Variants in P4HA1 observed in about 807,000 individuals in gnomAD.
The protein encoded by P4HA1 is prolyl 4-hydroxylase subunit alpha-1.
Under a neutral mutation model 72.8 loss-of-function variants are expected in P4HA1, and 24 were observed. The ratio of observed to expected loss-of-function variants is 0.33; its 90% CI spans 0.24 to 0.46. The LOEUF (loss-of-function observed/expected upper bound fraction) is 0.46, where lower values mean the gene tolerates loss of function less well. Ranked by LOEUF, P4HA1 falls within the 20% of genes least tolerant of loss-of-function variation. The pLI, the probability that P4HA1 is intolerant of heterozygous loss-of-function variation, is 1.00. For missense variants in P4HA1, 446 were observed against 640.6 expected, an observed-to-expected ratio of 0.70 and a Z score of 3.28; for synonymous variants, 201 against 218.8, an observed-to-expected ratio of 0.92 and a Z score of 0.72.
At chr10:73,052,223 A>G (rs1162719822) in intron 6 of P4HA1, among the ~76,000 whole-genome samples, 1 of 152,044 alleles carries the variant, frequency 6.6e-6, no homozygotes, top group Non-Finnish European at 1.5e-5. Flanking sequence ...CCACACACAC[A>G]TAAAAATAAA....
At chr10:73,028,448 T>TG (rs1173810142) in intron 10 of P4HA1, among the ~76,000 whole-genome samples, 4 of 152,250 alleles carry the variant, frequency 2.6e-5, no homozygotes, top group African/African-American at 7.2e-5. Flanking sequence ...TATTTATTTC[T>TG]GAAACAGAGT....
intron 10 of P4HA1, among the ~76,000 whole-genome samples, chr10:73,024,235 A>G (rs184042392): frequency 1.3e-3 from 200 of 152,246 alleles, no homozygotes; most frequent in Non-Finnish European, 2.3e-3. Context: ...TGACCACATA[A>G]TTGGAAGTAA....
chr10:73,071,936 A>C, intron 4 of P4HA1, 93 bp downstream of exon 4: 1 of 1,020,766 alleles, frequency 9.8e-7, no homozygotes, highest in South Asian at 1.9e-5. Context: ...CACTGAACTG[A>C]ACTGGTTTCC....
intron 5 of P4HA1, 42 bp downstream of exon 5, chr10:73,068,803 AG>A: frequency 1.3e-6 from 2 of 1,522,316 alleles, no homozygotes; most frequent in East Asian, 4.5e-5. Context: ...TCAACAGAGA[AG>A]CTAGGTGATA....
At chr10:73,061,981 T>C (rs1457958181) in intron 5 of P4HA1, among the ~76,000 whole-genome samples, 1 of 152,170 alleles carries the variant, frequency 6.6e-6, no homozygotes, top group Non-Finnish European at 1.5e-5. Context: ...ATCATGCCAA[T>C]GCACTCCAGC....
At chr10:73,068,058 G>T (rs911194404) in intron 5 of P4HA1, among the ~76,000 whole-genome samples, 1 of 152,068 alleles carries the variant, frequency 6.6e-6, no homozygotes, top group Non-Finnish European at 1.5e-5. Context: ...TTGCAAATTT[G>T]TACATTTTTG....
At chr10:73,028,307 A>AACACACACACACACAC (rs10561551) in intron 10 of P4HA1, among the ~76,000 whole-genome samples, 14 of 143,758 alleles carry the variant, frequency 9.7e-5, no homozygotes, top group African/African-American at 3.3e-4. Flanking sequence ...GTCACTGTAA[A>AACACACACACACACAC]ACACACACAC....
At chr10:73,075,742 AGTGTGT>A (rs531577086) in intron 1 of P4HA1, among the ~76,000 whole-genome samples, 12 of 147,858 alleles carry the variant, frequency 8.1e-5, no homozygotes, top group African/African-American at 3.0e-4. Flanking sequence ...ATATATATAT[AGTGTGT>A]GTGTGTGTGT....
chr10:73,062,628 C>T (rs1342614473), intron 5 of P4HA1, among the ~76,000 whole-genome samples: 2 of 152,152 alleles, frequency 1.3e-5, no homozygotes, highest in African/African-American at 4.8e-5. Context: ...GAAACAAACA[C>T]AACAGTGGTT....
At chr10:73,073,889 G>T in intron 2 of P4HA1, 62 bp from the exon 3 acceptor site, 2 of 801,712 alleles carry the variant, frequency 2.5e-6, no homozygotes, top group Middle Eastern at 2.7e-4. Context: ...TTAAGAATAA[G>T]AATGATTGAG....
At chr10:73,045,632 CAAGA>C (rs931674010) in intron 8 of P4HA1, among the ~76,000 whole-genome samples, 1 of 151,774 alleles carries the variant, frequency 6.6e-6, no homozygotes, top group African/African-American at 2.4e-5. Context: ...TTAAAAACAG[CAAGA>C]AAGAGGTGAC....
At position 73,056,597 on chromosome 10, in the gene P4HA1, G is replaced by A. The variant is rs543748347; in HGVS notation, c.464-3007C>T. ...CAGTGAGCCAAGATCACGCCATTGC[G>A]GTCCAGCCTGGGCAACAACAATGAA... On this transcript the variant is annotated intron_variant, in intron 5 of 14. Transcript: ENST00000394890. Among the ~76,000 whole-genome samples the A allele has an allele frequency of 1.2e-3, 184 of 150,000 alleles. 1 individual carries two copies. Among genetic ancestry groups the A allele is most frequent in the Non-Finnish European group, 2.2e-3 (147 of 67,290 alleles).
intron 1 of P4HA1, among the ~76,000 whole-genome samples, chr10:73,075,769 A>ATG (rs929140129): frequency 4.0e-5 from 6 of 149,942 alleles, no homozygotes; most frequent in Non-Finnish European, 5.9e-5. Context: ...GTATGTGTGT[A>ATG]TGTGTGTGTG....
intron 14 of P4HA1, among the ~76,000 whole-genome samples, chr10:73,008,972 C>T (rs1327320923): frequency 6.6e-6 from 1 of 152,158 alleles, no homozygotes; most frequent in Non-Finnish European, 1.5e-5. Context: ...TCTCTCAAAT[C>T]TATTTGCTCT....
chr10:73,084,455 G>A (rs995641670), intron 1 of P4HA1, among the ~76,000 whole-genome samples: 24 of 151,972 alleles, frequency 1.6e-4, no homozygotes, highest in African/African-American at 5.1e-4. Context: ...CACCACGACC[G>A]GCCAATTTTT....
At chr10:73,093,526 A>G (rs1375613231) in intron 1 of P4HA1, among the ~76,000 whole-genome samples, 1 of 151,952 alleles carries the variant, frequency 6.6e-6, no homozygotes, top group African/African-American at 2.4e-5. Flanking sequence ...ATTTATACAA[A>G]TAAATTTTCT....
chr10:73,049,011 G>A (rs562286613), intron 7 of P4HA1, among the ~76,000 whole-genome samples: 371 of 152,194 alleles, frequency 2.4e-3, no homozygotes, highest in African/African-American at 8.6e-3. Flanking sequence ...GCAGGCGCCC[G>A]TAGTCCCAGC....
At chr10:73,033,941 G>T (rs939941878) in intron 9 of P4HA1, among the ~76,000 whole-genome samples, 1 of 152,112 alleles carries the variant, frequency 6.6e-6, no homozygotes, top group African/African-American at 2.4e-5. Flanking sequence ...AAACAGGATG[G>T]GCACAGTGTC....
chr10:73,015,676 C>T (rs760135655), intron 11 of P4HA1, among the ~76,000 whole-genome samples: 2 of 152,178 alleles, frequency 1.3e-5, no homozygotes, highest in Admixed American at 6.5e-5. Context: ...TGTGGCAGAT[C>T]CTCCTCTTAC....
Sources: gnomAD v4.1 joint callset for allele counts (sites outside exome capture counted in the v4.1 genomes callset) on GRCh38, gnomAD v4.1.1 for gene constraint, MANE v1.5 for transcripts, NCBI Gene and HGNC (gene_info 2026-07-23, HGNC 2026-07-21) for gene names.